CNBD1: variants seen among roughly 807,000 people sequenced by gnomAD.
CNBD1 encodes the protein cyclic nucleotide binding domain containing 1, also known as cyclic nucleotide-binding domain-containing protein 1.
CNBD1 carries 71 observed loss-of-function variants against 54.4 expected under a neutral mutation model. The ratio of observed to expected loss-of-function variants is 1.30; its 90% CI spans 1.08 to 1.59. The LOEUF (loss-of-function observed/expected upper bound fraction) is 1.59. Ranked by LOEUF, CNBD1 falls within the 40% of genes most tolerant of loss-of-function variation. The pLI is 0.00. For missense variants in CNBD1, 659 were observed against 518.0 expected (o/e 1.27, Z -2.64); for synonymous variants, 182 against 170.7 (o/e 1.07, Z -0.51).
chr8:86,989,845 C>T (rs1227232837), intron 4 of CNBD1, among the ~76,000 whole-genome samples: 4 of 152,126 alleles, frequency 2.6e-5, no homozygotes, highest in Non-Finnish European at 5.9e-5. Context: ...ACATCCTTGC[C>T]AGCATTCAGC....
At chr8:87,231,328 T>C (rs1219702732) in intron 5 of CNBD1, among the ~76,000 whole-genome samples, 1 of 152,130 alleles carries the variant, frequency 6.6e-6, no homozygotes, top group Non-Finnish European at 1.5e-5. Flanking sequence ...CTAAGCAATA[T>C]ATTTCAAGAA....
At chr8:87,245,193 T>C (rs1193123469) in intron 6 of CNBD1, among the ~76,000 whole-genome samples, 1 of 152,064 alleles carries the variant, frequency 6.6e-6, no homozygotes, top group Non-Finnish European at 1.5e-5. Flanking sequence ...TTAAAATGTG[T>C]GCTGTAACTA....
chr8:87,094,192 A>C (rs796787185), intron 4 of CNBD1, among the ~76,000 whole-genome samples: 1 of 152,102 alleles, frequency 6.6e-6, no homozygotes. Context: ...TAGGTTGCGC[A>C]CAACGCTCAC....
At position 87,404,779 on chromosome 8, in the gene CNBD1, T is replaced by A. The variant is rs565224348; in HGVS notation, c.214-23767T>A. Reference sequence around the variant, plus strand: ...CAAATAACTATCATTTAATTTACTATCCAGATCTTCTGCTACTAGTCAGTC... The same window carrying A: ...CAAATAACTATCATTTAATTTACTAACCAGATCTTCTGCTACTAGTCAGTC... On this transcript the variant is annotated intron_variant, in intron 2 of 7. Transcript: ENST00000521593. 2.9e-4 allele frequency among the ~76,000 whole-genome samples: 44 copies of A among 152,250 alleles called. 1 individual carries two copies. In the South Asian group the frequency reaches 8.1e-3, roughly 28 times the overall value.
chr8:87,344,554 G>A (rs1050776204), intron 8 of CNBD1, among the ~76,000 whole-genome samples: 2 of 152,038 alleles, frequency 1.3e-5, no homozygotes, highest in Non-Finnish European at 2.9e-5. Flanking sequence ...ATTCATTTGA[G>A]TTTAAATAAC....
At chr8:86,995,285 A>G (rs184575340) in intron 4 of CNBD1, among the ~76,000 whole-genome samples, 42 of 152,334 alleles carry the variant, frequency 2.8e-4, no homozygotes, top group Non-Finnish European at 4.9e-4. Flanking sequence ...AACCAGGGGC[A>G]GGCATGCTTT....
chr8:87,320,817 T>C (rs1445648978), intron 8 of CNBD1, among the ~76,000 whole-genome samples: 4 of 152,122 alleles, frequency 2.6e-5, no homozygotes, highest in Non-Finnish European at 5.9e-5. Context: ...TCTCTAATAT[T>C]TTCACCTTGC....
chr8:86,896,817 G>A (rs557690072), intron 2 of CNBD1, among the ~76,000 whole-genome samples: 1 of 152,048 alleles, frequency 6.6e-6, no homozygotes, highest in South Asian at 2.1e-4. Flanking sequence ...TGCAACATGA[G>A]TTAATCACAA....
chr8:87,001,889 A>G (rs893701660), intron 4 of CNBD1, among the ~76,000 whole-genome samples: 3 of 152,068 alleles, frequency 2.0e-5, no homozygotes, highest in Non-Finnish European at 4.4e-5. Context: ...TGAAGTGTTC[A>G]CTACTTTAGG....
At chr8:87,423,028 T>C (rs1455839051) in intron 2 of CNBD1, among the ~76,000 whole-genome samples, 5 of 151,936 alleles carry the variant, frequency 3.3e-5, no homozygotes, top group Non-Finnish European at 7.4e-5. Flanking sequence ...TTTATTCTCT[T>C]TGAAGCAATT....
rs117341136 is a variant in CNBD1, at chr8:87,234,495, C to T, written c.578-2424C>T. 9.1e-3 allele frequency among the ~76,000 whole-genome samples: 1,381 copies of T among 152,228 alleles called. 18 individuals carry two copies. The highest frequency in any genetic ancestry group is 0.01 in the Middle Eastern group (3 of 294). On this transcript the variant is annotated intron_variant, in intron 5 of 10. Coordinates refer to ENST00000518476, the MANE Select transcript of CNBD1 (RefSeq NM_173538.3). Reference sequence around the variant, plus strand: ...CAATATTCATTTACTTACACAATTCCGTCAGAGTTCTTGGGTGACCAGATG... The same window carrying T: ...CAATATTCATTTACTTACACAATTCTGTCAGAGTTCTTGGGTGACCAGATG...
intron 5 of CNBD1, among the ~76,000 whole-genome samples, chr8:87,211,690 C>A (rs994492322): frequency 1.3e-5 from 2 of 152,148 alleles, no homozygotes; most frequent in Non-Finnish European, 2.9e-5. Flanking sequence ...TGAGTAAAAT[C>A]TCCTTGAGGC....
chr8:86,993,395 A>G (rs902376467), intron 4 of CNBD1, among the ~76,000 whole-genome samples: 2 of 151,942 alleles, frequency 1.3e-5, no homozygotes, highest in Non-Finnish European at 2.9e-5. Context: ...TTGGGTTTCA[A>G]CTTTCTCTTG....
chr8:87,097,641 A>G (rs867600043), intron 4 of CNBD1, among the ~76,000 whole-genome samples: 4 of 152,300 alleles, frequency 2.6e-5, no homozygotes, highest in Middle Eastern at 6.8e-3. Context: ...AGTTTACCTC[A>G]TGTTGAGCAT....
intron 8 of CNBD1, among the ~76,000 whole-genome samples, chr8:87,290,683 G>A (rs909006924): frequency 2.0e-5 from 3 of 152,032 alleles, no homozygotes; most frequent in African/African-American, 7.2e-5. Flanking sequence ...AGGTTTTCTT[G>A]TACTGAGAAT....
intron 6 of CNBD1, among the ~76,000 whole-genome samples, chr8:87,257,376 A>T (rs1808044876): frequency 1.3e-5 from 2 of 151,748 alleles, no homozygotes; most frequent in Non-Finnish European, 1.5e-5. Context: ...TCGCAAAAAA[A>T]AAAAAAAAAG....
intron 1 of CNBD1, among the ~76,000 whole-genome samples, chr8:86,874,298 T>A (rs2168824): frequency 0.47 from 70,846 of 152,018 alleles, 16,777 homozygotes; most frequent in East Asian, 0.56. Context: ...AAGCAGTTAT[T>A]TTGTAGAATA....
chr8:87,255,833 G>T (rs1020382442), intron 6 of CNBD1, among the ~76,000 whole-genome samples: 6 of 149,450 alleles, frequency 4.0e-5, no homozygotes, highest in Non-Finnish European at 8.9e-5. Flanking sequence ...ACTTCATAGG[G>T]TAATTATGAG....
intron 2 of CNBD1, among the ~76,000 whole-genome samples, chr8:86,895,253 G>GGTGTGTGTGT (rs59497760): frequency 8.3e-5 from 12 of 144,918 alleles, no homozygotes; most frequent in African/African-American, 2.9e-4. Flanking sequence ...GTGTGTGCAT[G>GGTGTGTGTGT]GTGTGTGTGT....
Sources: allele counts gnomAD v4.1 joint callset (sites outside exome capture counted in the v4.1 genomes callset), GRCh38; gene constraint gnomAD v4.1.1; transcripts MANE v1.5; gene names NCBI Gene and HGNC (gene_info 2026-07-23, HGNC 2026-07-21).